GGNBP2: variants seen among roughly 807,000 people sequenced by gnomAD.
The protein encoded by GGNBP2 is gametogenetin binding protein 2, also known as gametogenetin-binding protein 2.
GGNBP2 carries 10 observed loss-of-function variants against 85.9 expected under a neutral mutation model. That is an observed-to-expected ratio of 0.12 (90% confidence interval 0.07 to 0.20). The LOEUF (loss-of-function observed/expected upper bound fraction) is 0.20. Ranked by LOEUF, GGNBP2 falls within the 10% of genes least tolerant of loss-of-function variation. GGNBP2 has a pLI of 1.00. For missense variants in GGNBP2, 595 were observed against 857.8 expected (o/e 0.69, Z 3.83); for synonymous variants, 287 against 285.7 (o/e 1.00, Z -0.05).
At chr17:36,561,164 C>T (rs1014814214) in intron 5 of GGNBP2, among the ~76,000 whole-genome samples, 1 of 150,568 alleles carries the variant, frequency 6.6e-6, no homozygotes, top group Non-Finnish European at 1.5e-5. Context: ...CCCTTTATTT[C>T]CCAGGCTGGA....
rs888194399 is a variant in GGNBP2 at position 36,589,713 on chromosome 17, T to C, written c.*302T>C. ...CAAAAAGTAATGTTGTACTTATAAT[T>C]CTGTACAGAAATGACAATGAGCTGA... On this transcript the variant is annotated 3_prime_UTR_variant, in exon 14 of 14. Transcript: ENST00000613102. 1 of 378,218 alleles carries C rather than the reference T, an allele frequency of 2.6e-6. No individual in the cohort carries two copies. The highest frequency in any genetic ancestry group is 4.8e-6 in the Non-Finnish European group (1 of 209,562). 23.4% of individuals were successfully genotyped at this position (378,218 alleles called of 1,614,324 possible). A position where few individuals can be genotyped will look rare whatever the true frequency, so the allele number is the denominator to read the frequency against.
chr17:36,571,405 C>T (rs2074522745), intron 6 of GGNBP2, among the ~76,000 whole-genome samples: 1 of 152,024 alleles, frequency 6.6e-6, no homozygotes, highest in South Asian at 2.1e-4. Context: ...CAAAAATTAG[C>T]CGGGCTTGGT....
chr17:36,582,811 A>T (rs1254610793), intron 9 of GGNBP2, among the ~76,000 whole-genome samples: 1 of 152,140 alleles, frequency 6.6e-6, no homozygotes, highest in African/African-American at 2.4e-5. Flanking sequence ...TGGTCTTAGG[A>T]TCCCTTTACA....
intron 9 of GGNBP2, 115 bp downstream of exon 9, chr17:36,581,653 G>T: frequency 1.5e-6 from 1 of 648,730 alleles, no homozygotes; most frequent in Non-Finnish European, 2.5e-6. Flanking sequence ...GCCCAGGGTG[G>T]AGGTATCACT....
chr17:36,571,146 T>C (rs2074520065), intron 6 of GGNBP2, among the ~76,000 whole-genome samples: 1 of 152,174 alleles, frequency 6.6e-6, no homozygotes, highest in South Asian at 2.1e-4. Context: ...TTAAGGGTTT[T>C]TTAAGGCTGG....
At chr17:36,547,586 C>T (rs1307644294) in intron 2 of GGNBP2, 1 of 152,234 alleles carries the variant, frequency 6.6e-6, no homozygotes, top group African/African-American at 2.4e-5. Context: ...ACTGTATTCT[C>T]TCCACAATGA....
In GGNBP2 at chr17:36,588,320, C is replaced by T. The variant is rs117527364; in HGVS notation, c.1891-888C>T. 4.2e-3 allele frequency among the ~76,000 whole-genome samples: 642 copies of T among 151,842 alleles called. 3 individuals are homozygous for T. Among genetic ancestry groups the T allele is most frequent in the Non-Finnish European group, 6.7e-3 (457 of 67,920 alleles). Reference sequence around the variant, plus strand: ...TTGCCCAGGCTGGAGTGCGATGGTGCGATCTCGGCTAATCGCAACCTCCGC... The same window carrying T: ...TTGCCCAGGCTGGAGTGCGATGGTGTGATCTCGGCTAATCGCAACCTCCGC... On this transcript the variant is annotated intron_variant, in intron 13 of 13. Transcript: ENST00000613102.
intron 2 of GGNBP2, among the ~76,000 whole-genome samples, chr17:36,554,401 CTTG>C (rs1352577342): frequency 1.6e-5 from 1 of 62,498 alleles, no homozygotes; most frequent in East Asian, 5.6e-4. Context: ...GAGTTTCACT[CTTG>C]TTGTCCAGGC....
chr17:36,557,394 C>A, intron 4 of GGNBP2, 58 bp downstream of exon 4: 1 of 1,390,694 alleles, frequency 7.2e-7, no homozygotes, highest in Non-Finnish European at 1.0e-6. Context: ...AGCTTGGTGA[C>A]AGTGGCAGCT....
intron 6 of GGNBP2, among the ~76,000 whole-genome samples, chr17:36,572,382 G>C (rs117978873): frequency 3.9e-3 from 586 of 152,182 alleles, no homozygotes; most frequent in Non-Finnish European, 6.0e-3. Flanking sequence ...TCCTGCGCGC[G>C]TATGTGTATA....
At chr17:36,545,884 C>A (rs1267478352) in intron 2 of GGNBP2, 67 bp downstream of exon 2, 1 of 1,133,220 alleles carries the variant, frequency 8.8e-7, no homozygotes, top group East Asian at 2.6e-5. Context: ...TCCCCCTCCC[C>A]CAGGCCGAGC....
intron 2 of GGNBP2, chr17:36,546,049 C>T (rs1567814083): frequency 2.0e-6 from 1 of 499,264 alleles, no homozygotes; most frequent in Non-Finnish European, 3.6e-6. Context: ...GATTTTCCTT[C>T]TTTTGGAACC....
intron 6 of GGNBP2, among the ~76,000 whole-genome samples, chr17:36,575,904 C>T (rs913872964): frequency 6.6e-6 from 1 of 150,820 alleles, no homozygotes. Context: ...GCCTTTGCCT[C>T]CCAAAGGGCT....
chr17:36,571,193 G>A (rs1487035359), intron 6 of GGNBP2, among the ~76,000 whole-genome samples: 1 of 152,146 alleles, frequency 6.6e-6, no homozygotes, highest in Admixed American at 6.5e-5. Context: ...AACACTTTGG[G>A]AAGCCAAGGC....
At chr17:36,567,323 CAT>C (rs917512561) in intron 5 of GGNBP2, among the ~76,000 whole-genome samples, 7 of 152,244 alleles carry the variant, frequency 4.6e-5, no homozygotes, top group Admixed American at 2.0e-4. Context: ...AGTATGTAAT[CAT>C]ATAATTTGTA....
chr17:36,575,613 CATATATATATATAT>C (rs776677029), intron 6 of GGNBP2, among the ~76,000 whole-genome samples: 26 of 66,928 alleles, frequency 3.9e-4, no homozygotes, highest in Middle Eastern at 0.02. Flanking sequence ...TCTAATGTAA[CATATATATATATAT>C]ATATATATAT....
At chr17:36,580,095 A>G (rs767692730) in intron 8 of GGNBP2, among the ~76,000 whole-genome samples, 4 of 152,236 alleles carry the variant, frequency 2.6e-5, no homozygotes, top group African/African-American at 4.8e-5. Flanking sequence ...TAAGCAGGAA[A>G]TGTTAAAACC....
At chr17:36,563,512 A>G (rs964011827) in intron 5 of GGNBP2, among the ~76,000 whole-genome samples, 1 of 151,160 alleles carries the variant, frequency 6.6e-6, no homozygotes, top group Non-Finnish European at 1.5e-5. Flanking sequence ...TTTTTCACAC[A>G]TTGCCATCAT....
chr17:36,566,534 C>T (rs1333076299), intron 5 of GGNBP2, among the ~76,000 whole-genome samples: 5 of 151,850 alleles, frequency 3.3e-5, no homozygotes, highest in African/African-American at 1.2e-4. Context: ...ATAAAAATAA[C>T]CTGGTGTGGT....
Sources: gnomAD v4.1 joint callset for allele counts (sites outside exome capture counted in the v4.1 genomes callset) on GRCh38, gnomAD v4.1.1 for gene constraint, MANE v1.5 for transcripts, NCBI Gene and HGNC (gene_info 2026-07-23, HGNC 2026-07-21) for gene names.